Variants in BAZ2A observed in about 807,000 individuals in gnomAD.
BAZ2A encodes the protein bromodomain adjacent to zinc finger domain 2A.
Under a neutral mutation model 199.9 loss-of-function variants are expected in BAZ2A, and 34 were observed. The ratio of observed to expected loss-of-function variants is 0.17; its 90% CI spans 0.13 to 0.23. BAZ2A has a LOEUF of 0.23. Among genes scored for constraint, BAZ2A ranks in the 10% least tolerant of loss-of-function variants. BAZ2A has a pLI of 1.00. For missense variants in BAZ2A, 2,002 were observed against 2,391.1 expected (o/e 0.84, Z 3.39); for synonymous variants, 857 against 883.9 (o/e 0.97, Z 0.54).
chr12:56,636,062 G>A, intron 1 of BAZ2A: 1 of 1,257,226 alleles, frequency 8.0e-7, no homozygotes, highest in Non-Finnish European at 1.1e-6. Flanking sequence ...GTCCCCCAGA[G>A]TCCTGTTTCC....
At position 56,610,501 on chromosome 12, in the gene BAZ2A, G is replaced by A. The variant is rs1950524938; in HGVS notation, c.1687C>T (p.Arg563Cys). ...PLQHGWRREV[R>C]IKKGSHRWQG... ...CATCGGTGGCTGCCCTTCTTGATGCGCACCTCTCTCCGCCACCTGCCAGAG... is the reference window on the plus strand; with the variant it reads ...CATCGGTGGCTGCCCTTCTTGATGCACACCTCTCTCCGCCACCTGCCAGAG... The change falls in exon 8 of 29, where the codon CGC becomes TGC. Residue 563 changes from arginine to cysteine, a missense_variant. This residue lies in a region of BAZ2A where 641 missense variants were observed against 694.5 expected (regional missense o/e 0.92). Coordinates refer to ENST00000549884, the MANE Select transcript of BAZ2A (RefSeq NM_001300905.2). The A allele has an allele frequency of 1.9e-6, 3 of 1,611,850 alleles. No homozygotes were observed. The highest frequency in any genetic ancestry group is 3.3e-4 in the Middle Eastern group (2 of 6,060).
chr12:56,625,642 C>G (rs1951064629), intron 1 of BAZ2A, among the ~76,000 whole-genome samples: 1 of 151,884 alleles, frequency 6.6e-6, no homozygotes, highest in South Asian at 2.1e-4. Context: ...CTTTGGGAGG[C>G]CGAGACGGGC....
chr12:56,615,604 A>C lies in BAZ2A; in HGVS notation c.140T>G (p.Leu47Trp). ...GCCATTAACATTCACATCCCCATTC[A>C]AACCTGGCAGAGAAAGAAAGAAAAG... ...PMNFPQQGKS[L>W]NGDVNVNGLS... Residue 47 changes from leucine to tryptophan, a missense_variant, in exon 3 of 29, where the codon TTG (leucine) becomes TGG (tryptophan). By Grantham distance (61) the Leu-to-Trp change is moderately conservative. This residue lies in a region of BAZ2A where 641 missense variants were observed against 694.5 expected (regional missense o/e 0.92). Coordinates refer to ENST00000549884, the MANE Select transcript of BAZ2A (RefSeq NM_001300905.2). 3 of 1,587,810 alleles carry C rather than the reference A, an allele frequency of 1.9e-6. No homozygotes were observed. Among genetic ancestry groups the C allele is most frequent in the Non-Finnish European group, 2.6e-6 (3 of 1,165,116 alleles).
rs528419935 is a variant in BAZ2A, at chr12:56,598,759, C to A, written c.5571G>T (p.Ala1857=). 2.0e-5 allele frequency: 32 copies of A among 1,612,438 alleles called. No individual in the cohort carries two copies. In the East Asian group the frequency reaches 6.5e-4, roughly 33 times the overall value. Reference sequence around the variant, plus strand: ...TGTCAAATACCAGGAGGGCATCAGCCGCAAACTCCTCTGAGCTGGTGTACC... The same window carrying A: ...TGTCAAATACCAGGAGGGCATCAGCAGCAAACTCCTCTGAGCTGGTGTACC... ...RGGYTSSEEF[A]ADALLVFDNC... is the part of the protein sequence containing the mutation. Residue 1857 remains alanine (A), a synonymous_variant, in exon 29 of 29, where the codon GCG becomes GCT. Transcript: ENST00000549884.
In BAZ2A at chr12:56,614,821, C is replaced by A. The variant is rs1950665427; in HGVS notation, c.730+193G>T. The A allele has an allele frequency of 6.2e-6, 4 of 649,672 alleles. No homozygotes were observed. The East Asian group carries it at 1.1e-4, about 18-fold the overall frequency. 40.2% of individuals were successfully genotyped at this position (649,672 alleles called of 1,614,324 possible). On this transcript the variant is annotated intron_variant, in intron 3 of 28. Transcript: ENST00000549884. ...CTGCATGAGCTTGAAATAATTTGCA[C>A]TCCCACTCGCGAGCTGGTGCTGCTG...
chr12:56,631,483 C>A (rs1951309999), upstream of BAZ2A, among the ~76,000 whole-genome samples: 1 of 150,294 alleles, frequency 6.7e-6, no homozygotes, highest in African/African-American at 2.5e-5. Context: ...TCTAGTTCAA[C>A]CTTCTCTCCT....
intron 1 of BAZ2A, among the ~76,000 whole-genome samples, chr12:56,625,154 CTT>C (rs1002458672): frequency 0.062 from 6,752 of 108,126 alleles, 301 homozygotes; most frequent in African/African-American, 0.2. Flanking sequence ...CTTAGAATTT[CTT>C]TTTTTTTTTT....
chr12:56,620,563 C>CTTTTTTTTTTTTTT (rs11367195), intron 1 of BAZ2A, among the ~76,000 whole-genome samples: 12 of 144,476 alleles, frequency 8.3e-5, no homozygotes, highest in African/African-American at 3.1e-4. Context: ...CCAGGATTTC[C>CTTTTTTTTTTTTTT]TTTTTTTTTT....
chr12:56,630,357 C>T (rs1416055010), upstream of BAZ2A: 7 of 858,322 alleles, frequency 8.2e-6, no homozygotes, highest in Admixed American at 1.2e-4. Flanking sequence ...GGAGAAGCCT[C>T]GGCCGGGAGA....
chr12:56,624,739 T>G (rs1282724219), intron 1 of BAZ2A, among the ~76,000 whole-genome samples: 2 of 149,792 alleles, frequency 1.3e-5, no homozygotes, highest in Non-Finnish European at 3.0e-5. Flanking sequence ...GGCCTGAAAA[T>G]AGGGAAGTAC....
At chr12:56,631,218 C>T (rs1436305500), upstream of BAZ2A, among the ~76,000 whole-genome samples, 6 of 151,946 alleles carry the variant, frequency 3.9e-5, no homozygotes, top group Admixed American at 2.0e-4. Context: ...TTTGGGAGGC[C>T]GAGGCAGGTG....
At chr12:56,612,302 CAA>C in intron 5 of BAZ2A, 56 bp from the exon 6 acceptor site, 8 of 1,441,920 alleles carry the variant, frequency 5.5e-6, no homozygotes, top group South Asian at 3.8e-5. Context: ...TCACATAAAA[CAA>C]GAGAATCTAC....
rs1885878985 is a variant in BAZ2A at position 56,596,833 on chromosome 12, A to C, written c.*1785T>G. ...TATCTGACAGAAAAGGCGACTTTAGAAATAGGCTATGAGGGAGAAGGGGCA... is the reference window on the plus strand; with the variant it reads ...TATCTGACAGAAAAGGCGACTTTAGCAATAGGCTATGAGGGAGAAGGGGCA... On this transcript the variant is annotated 3_prime_UTR_variant, in exon 29 of 29. Transcript: ENST00000549884. The C allele has an allele frequency of 6.6e-6, 1 of 152,424 alleles. No homozygotes were observed. The highest frequency in any genetic ancestry group is 1.5e-5 in the Non-Finnish European group (1 of 68,040). 9.4% of individuals were successfully genotyped at this position (152,424 alleles called of 1,614,324 possible). A position where few individuals can be genotyped will look rare whatever the true frequency, so the allele number is the denominator to read the frequency against.
upstream of BAZ2A, among the ~76,000 whole-genome samples, chr12:56,637,676 T>C (rs1385472334): frequency 6.6e-6 from 1 of 151,304 alleles, no homozygotes; most frequent in East Asian, 1.9e-4. Flanking sequence ...CCCCTGGAAA[T>C]AAGTTATTTC....
rs773875714 is a variant in BAZ2A, at chr12:56,601,199, T to C, written c.4275A>G (p.Thr1425=). ...ACTCACCAGGTGGGACAGGCTGGGC[T>C]GTCAGCTGGGTTAGGTAACGCTGTT... is the stretch of plus-strand genomic sequence containing the variant. ...QMEQRYLTQL[T]AQPVPPEMCS... is the part of the protein sequence containing the mutation. Residue 1425 remains threonine (T), a synonymous_variant, in exon 21 of 29, where the codon ACA becomes ACG. Coordinates refer to ENST00000549884, the MANE Select transcript of BAZ2A (RefSeq NM_001300905.2). 4 of 1,614,066 alleles carry C rather than the reference T, an allele frequency of 2.5e-6. No homozygotes were observed. The East Asian group carries it at 6.7e-5, about 27-fold the overall frequency.
Position 56,598,933 on chromosome 12 carries a change from C to A in BAZ2A, c.5481G>T (p.Gly1827=). The change falls in exon 28 of 29, where the codon GGG becomes GGT. Residue 1827 remains glycine (G), a synonymous_variant. Transcript: ENST00000549884. The part of the protein sequence containing the change: ...LEPVNPRLVS[G]YRRIIKNPMD... The stretch of plus-strand genomic sequence containing the variant: ...TAGGATTTTTGATGATGCGCCGGTA[C>A]CCACTCACCAAACGTGGGTTCACAG... 1 of 1,607,726 alleles carries A rather than the reference C, an allele frequency of 6.2e-7. No individual in the cohort carries two copies. The highest frequency in any genetic ancestry group is 8.5e-7 in the Non-Finnish European group (1 of 1,177,152).
At position 56,603,600 on chromosome 12, in the gene BAZ2A, C is replaced by T; in HGVS notation, c.3139G>A (p.Glu1047Lys). 6.2e-7 allele frequency: 1 copy of T among 1,614,040 alleles called. No individual in the cohort carries two copies. The highest frequency in any genetic ancestry group is 8.5e-7 in the Non-Finnish European group (1 of 1,179,864). ...TCCTCTTCTTCCATGCCACTGGTCT[C>T]CTCCATGATCCGAGAACTGCGCCTC... is the stretch of plus-strand genomic sequence containing the variant. ...GRRRSSRIME[E>K]TSGMEEEEEE... is the part of the protein sequence containing the mutation. The change falls in exon 17 of 29, where the codon GAG becomes AAG. Residue 1047 changes from glutamate (E) to lysine (K), a missense_variant. By Grantham distance (56) the Glu-to-Lys change is moderately conservative. This residue lies in a region of BAZ2A where 1,081 missense variants were observed against 1,274.7 expected (regional missense o/e 0.85). Coordinates refer to ENST00000549884, the MANE Select transcript of BAZ2A (RefSeq NM_001300905.2).
chr12:56,599,585 G>C, intron 26 of BAZ2A, 117 bp downstream of exon 26: 1 of 1,446,020 alleles, frequency 6.9e-7, no homozygotes, highest in African/African-American at 1.4e-5. Flanking sequence ...GTCCAAAAAA[G>C]GACTTAGAAC....
chr12:56,629,166 G>T (rs1270991359), intron 1 of BAZ2A, among the ~76,000 whole-genome samples: 2 of 152,138 alleles, frequency 1.3e-5, no homozygotes, highest in Non-Finnish European at 2.9e-5. Flanking sequence ...AGCAGCAAAC[G>T]CACAGCTGCC....
Sources: allele counts gnomAD v4.1 joint callset (sites outside exome capture counted in the v4.1 genomes callset), GRCh38; gene constraint gnomAD v4.1.1; regional missense constraint gnomAD v4.1.1; transcripts MANE v1.5; gene names NCBI Gene and HGNC (gene_info 2026-07-23, HGNC 2026-07-21).